The following NRXN1 variants were observed in gnomAD, a reference collection of about 807,000 sequenced individuals.
The protein encoded by NRXN1 is neurexin 1, also known as neurexin-1.
A neutral mutation model predicts 150.9 loss-of-function variants in NRXN1; 39 were observed. That is an observed-to-expected ratio of 0.26 (90% CI 0.20 to 0.34). NRXN1 has a LOEUF of 0.34. Ranked by LOEUF, NRXN1 falls within the 10% of genes least tolerant of loss-of-function variation. NRXN1 has a pLI of 1.00. For missense variants in NRXN1, 1,815 were observed against 1,949.9 expected (o/e 0.93, Z 1.30); for synonymous variants, 924 against 757.0 (o/e 1.22, Z -3.62).
chr2:50,143,416 C>A (rs924854522), intron 18 of NRXN1, among the ~76,000 whole-genome samples: 2 of 151,788 alleles, frequency 1.3e-5, no homozygotes, highest in Non-Finnish European at 2.9e-5. Flanking sequence ...ATCATGCTAT[C>A]GAGGGAATTT....
chr2:50,537,508 T>G (rs182031292), intron 10 of NRXN1, among the ~76,000 whole-genome samples: 35 of 152,306 alleles, frequency 2.3e-4, no homozygotes, highest in African/African-American at 8.2e-4. Context: ...GAATCCTCAT[T>G]CCTTTTATTG....
intron 21 of NRXN1, among the ~76,000 whole-genome samples, chr2:50,013,167 T>C (rs1685985816): frequency 6.6e-6 from 1 of 152,124 alleles, no homozygotes; most frequent in Admixed American, 6.6e-5. Flanking sequence ...ATCTTTTATA[T>C]GATCATTTAG....
intron 12 of NRXN1, among the ~76,000 whole-genome samples, chr2:50,519,191 G>A (rs570841210): frequency 4.0e-5 from 6 of 151,854 alleles, no homozygotes; most frequent in East Asian, 3.9e-4. Context: ...GTGAACATTC[G>A]AATGCAATAT....
intron 15 of NRXN1, among the ~76,000 whole-genome samples, chr2:50,476,256 T>C (rs935501926): frequency 6.6e-6 from 1 of 152,140 alleles, no homozygotes; most frequent in South Asian, 2.1e-4. Flanking sequence ...CTCTCAAGAG[T>C]GTTATCTGTG....
At chr2:50,632,816 G>A (rs985782213) in intron 5 of NRXN1, 1 of 152,040 alleles carries the variant, frequency 6.6e-6, no homozygotes, top group Admixed American at 6.6e-5. Context: ...CCGGGGCTGG[G>A]TGGCGGGCGA....
intron 17 of NRXN1, among the ~76,000 whole-genome samples, chr2:50,364,865 T>A (rs181094959): frequency 6.6e-6 from 1 of 151,996 alleles, no homozygotes; most frequent in Non-Finnish European, 1.5e-5. Flanking sequence ...TTTTTCCAAG[T>A]AATACTGATT....
In NRXN1 at chr2:51,027,883, C is replaced by T; in HGVS notation, c.391G>A (p.Asp131Asn). The T allele has an allele frequency of 6.2e-7, 1 of 1,612,142 alleles. No homozygotes were observed. The highest frequency in any genetic ancestry group is 1.3e-5 in the African/African-American group (1 of 75,056). Residue 131 changes from aspartate to asparagine, a missense_variant, in exon 2 of 23, where the codon GAC becomes AAC. Asp to Asn is a conservative substitution (Grantham distance 23). Transcript: ENST00000401669. ...TCCACCCACTTGGCCTCCACCTGGT[C>T]GATGAAGAGCGTGGTGTTGCGGAAC... ...RQFRNTTLFI[D>N]QVEAKWVEVK...
chr2:49,954,359 C>T lies in NRXN1; in HGVS notation c.4129-10568G>A, dbSNP rs189645615. ...TCTGGCATTATGATTACCTTTCCTC[C>T]GACCAGATCTCCTGGAGAGCTTAGT... On this transcript the variant is annotated intron_variant, in intron 21 of 22. Transcript: ENST00000401669. Among the ~76,000 whole-genome samples the T allele has an allele frequency of 4.6e-5, 7 of 152,182 alleles. No individual in the cohort carries two copies. In the East Asian group the frequency reaches 5.8e-4, roughly 13 times the overall value.
At chr2:50,380,828 T>C (rs1042019184) in intron 17 of NRXN1, among the ~76,000 whole-genome samples, 15 of 152,290 alleles carry the variant, frequency 9.8e-5, no homozygotes, top group Admixed American at 3.9e-4. Flanking sequence ...TCCTGTCTTC[T>C]CTGAATTTCT....
chr2:50,705,574 G>T (rs559434508), intron 5 of NRXN1, among the ~76,000 whole-genome samples: 1 of 152,266 alleles, frequency 6.6e-6, no homozygotes, highest in South Asian at 2.1e-4. Flanking sequence ...TAGATTACTG[G>T]ATAATCTCCT....
chr2:50,189,666 T>C (rs2061329302), intron 18 of NRXN1, among the ~76,000 whole-genome samples: 1 of 152,076 alleles, frequency 6.6e-6, no homozygotes, highest in African/African-American at 2.4e-5. Context: ...ATCTCAAAAC[T>C]GGTAAGAAGG....
chr2:49,996,735 C>T (rs1159302239), intron 21 of NRXN1, among the ~76,000 whole-genome samples: 1 of 152,134 alleles, frequency 6.6e-6, no homozygotes, highest in Non-Finnish European at 1.5e-5. Context: ...CATATTCTCC[C>T]CTAAAGCCTC....
At chr2:49,934,490 T>C (rs760086158) in intron 22 of NRXN1, among the ~76,000 whole-genome samples, 7 of 152,222 alleles carry the variant, frequency 4.6e-5, no homozygotes, top group African/African-American at 1.4e-4. Flanking sequence ...CATCTTTATA[T>C]TGCTGTCATG....
intron 5 of NRXN1, among the ~76,000 whole-genome samples, chr2:50,858,531 A>T (rs10490173): frequency 0.076 from 11,572 of 152,104 alleles, 541 homozygotes; most frequent in Non-Finnish European, 0.1. Context: ...TGCCTGGGAA[A>T]TAAAGAAGTC....
intron 18 of NRXN1, among the ~76,000 whole-genome samples, chr2:50,125,842 G>C (rs2152741850): frequency 6.6e-6 from 1 of 152,174 alleles, no homozygotes; most frequent in South Asian, 2.1e-4. Context: ...ATATTTTTTG[G>C]AGGTTGCCTT....
chr2:50,152,665 C>T (rs1478872019), intron 18 of NRXN1, among the ~76,000 whole-genome samples: 3 of 151,650 alleles, frequency 2.0e-5, no homozygotes, highest in Admixed American at 2.0e-4. Context: ...GCCTTCTGGC[C>T]TTCAAAGTTT....
chr2:50,690,780 G>T (rs914789341), intron 5 of NRXN1, among the ~76,000 whole-genome samples: 4 of 151,986 alleles, frequency 2.6e-5, no homozygotes, highest in African/African-American at 9.7e-5. Context: ...AGCCAAAGAA[G>T]ATAAAATATG....
intron 5 of NRXN1, among the ~76,000 whole-genome samples, chr2:50,804,125 G>T (rs1445310865): frequency 1.3e-5 from 2 of 152,096 alleles, no homozygotes; most frequent in Non-Finnish European, 2.9e-5. Context: ...CAGCGAATCA[G>T]TTCTCGAAAT....
In NRXN1 at chr2:50,085,748, C is replaced by T. The variant is rs115922609; in HGVS notation, c.3718+5575G>A. Among the ~76,000 whole-genome samples, 1,252 of 151,882 alleles carry T rather than the reference C, an allele frequency of 8.2e-3. 21 individuals are homozygous for T. Among genetic ancestry groups the T allele is most frequent in the African/African-American group, 0.029 (1,196 of 41,400 alleles). On this transcript the variant is annotated intron_variant, in intron 19 of 22. Coordinates refer to ENST00000401669, the MANE Select transcript of NRXN1 (RefSeq NM_001330078.2). ...TTATGTGTTACTATGTTTAAATACCCATAAGATAGTCTTGTGTGTATATGT... is the reference window on the plus strand; with the variant it reads ...TTATGTGTTACTATGTTTAAATACCTATAAGATAGTCTTGTGTGTATATGT...
Sources: allele counts gnomAD v4.1 joint callset (sites outside exome capture counted in the v4.1 genomes callset), GRCh38; gene constraint gnomAD v4.1.1; transcripts MANE v1.5; gene names NCBI Gene and HGNC (gene_info 2026-07-23, HGNC 2026-07-21).